TRAPPC9: variants seen among roughly 807,000 people sequenced by gnomAD.
TRAPPC9 encodes trafficking protein particle complex subunit 9.
Under a neutral mutation model 124.0 loss-of-function variants are expected in TRAPPC9, and 83 were observed. The ratio of observed to expected loss-of-function variants is 0.67; its 90% CI spans 0.56 to 0.80. TRAPPC9 has a LOEUF of 0.80. Among genes scored for constraint, TRAPPC9 ranks in the 30% least tolerant of loss-of-function variants. TRAPPC9 has a pLI of 0.00. For synonymous variants in TRAPPC9, 638 were observed against 617.5 expected (o/e 1.03, Z -0.49); for missense variants, 1,302 against 1,508.3 (o/e 0.86, Z 2.27).
chr8:140,183,463 G>C (rs571728227), intron 17 of TRAPPC9, among the ~76,000 whole-genome samples: 2 of 152,200 alleles, frequency 1.3e-5, no homozygotes, highest in Non-Finnish European at 2.9e-5. Context: ...CCTCGATTAC[G>C]TATTCCACAC....
At chr8:139,751,464 T>C (rs1012078361) in intron 21 of TRAPPC9, among the ~76,000 whole-genome samples, 1 of 152,162 alleles carries the variant, frequency 6.6e-6, no homozygotes, top group Non-Finnish European at 1.5e-5. Flanking sequence ...CACTGCCCTC[T>C]TGCTTCCAAT....
At chr8:140,393,311 T>C (rs1199804272) in intron 7 of TRAPPC9, among the ~76,000 whole-genome samples, 1 of 152,158 alleles carries the variant, frequency 6.6e-6, no homozygotes, top group Non-Finnish European at 1.5e-5. Context: ...AGTGAGGAAA[T>C]GGCAACTTCA....
intron 17 of TRAPPC9, among the ~76,000 whole-genome samples, chr8:140,206,339 C>T (rs2062916169): frequency 6.6e-6 from 1 of 152,144 alleles, no homozygotes; most frequent in African/African-American, 2.4e-5. Flanking sequence ...TTTCTGCTTG[C>T]AGTCTTACGT....
At chr8:140,036,465 T>C (rs896657275) in intron 17 of TRAPPC9, among the ~76,000 whole-genome samples, 4 of 147,394 alleles carry the variant, frequency 2.7e-5, no homozygotes, top group African/African-American at 1.1e-4. Context: ...ACGGATCTCT[T>C]CAAGATTAGA....
intron 9 of TRAPPC9, among the ~76,000 whole-genome samples, chr8:140,329,801 C>T (rs1457447030): frequency 6.6e-6 from 1 of 152,096 alleles, no homozygotes; most frequent in Admixed American, 6.5e-5. Context: ...TCAATACCGG[C>T]CAGGCATGGT....
At chr8:139,752,016 T>G (rs116491735) in intron 21 of TRAPPC9, among the ~76,000 whole-genome samples, 2 of 148,598 alleles carry the variant, frequency 1.3e-5, no homozygotes, top group Non-Finnish European at 3.0e-5. Flanking sequence ...TATCCATCCA[T>G]CCAAAATCCA....
chr8:140,290,525 G>A (rs4524768), intron 12 of TRAPPC9, among the ~76,000 whole-genome samples: 99,483 of 152,096 alleles, frequency 0.65, 33,021 homozygotes, highest in African/African-American at 0.78. Flanking sequence ...GAAATGGGAC[G>A]TCAGGATTTC....
intron 9 of TRAPPC9, among the ~76,000 whole-genome samples, chr8:140,339,263 T>C (rs1357944402): frequency 6.6e-6 from 1 of 152,260 alleles, no homozygotes; most frequent in Non-Finnish European, 1.5e-5. Context: ...GCATTTCAGA[T>C]CTCTGGCCTT....
At chr8:140,434,092 A>G (rs2070736359) in intron 4 of TRAPPC9, among the ~76,000 whole-genome samples, 1 of 152,192 alleles carries the variant, frequency 6.6e-6, no homozygotes, top group South Asian at 2.1e-4. Flanking sequence ...CACTTCATTT[A>G]CAAGAGGTGA....
chr8:140,337,146 C>T (rs1588171183), intron 9 of TRAPPC9, among the ~76,000 whole-genome samples: 1 of 152,248 alleles, frequency 6.6e-6, no homozygotes, highest in Non-Finnish European at 1.5e-5. Context: ...AACTGTAATC[C>T]CAGCTCGCAC....
intron 19 of TRAPPC9, among the ~76,000 whole-genome samples, chr8:139,917,074 G>A (rs1035328143): frequency 6.6e-6 from 1 of 151,638 alleles, no homozygotes; most frequent in African/African-American, 2.4e-5. Context: ...GAACACGGAC[G>A]TATGGATCAC....
Position 140,101,543 on chromosome 8 carries a change from T to C in TRAPPC9, c.2557-77464A>G, listed in dbSNP as rs1012845803. Among the ~76,000 whole-genome samples the C allele has an allele frequency of 3.2e-4, 43 of 135,986 alleles. 3 individuals are homozygous for C. The highest frequency in any genetic ancestry group is 9.5e-5 in the Non-Finnish European group (6 of 63,428). The allele number at this position is 135,986 out of a possible 152,430, so 89.2% of individuals were successfully genotyped here. A position where few individuals can be genotyped will look rare whatever the true frequency, so the allele number is the denominator to read the frequency against. ...TTTTGTAGGGTTTTCTTTTTTTTGT[T>C]TTTTTTTTTTTTTTTTGAGACGTAG... On this transcript the variant is annotated intron_variant, in intron 17 of 22. Coordinates refer to ENST00000438773, the MANE Select transcript of TRAPPC9 (RefSeq NM_001160372.4).
chr8:140,198,980 G>A (rs909203363), intron 17 of TRAPPC9, among the ~76,000 whole-genome samples: 6 of 152,218 alleles, frequency 3.9e-5, no homozygotes, highest in Non-Finnish European at 5.9e-5. Context: ...CAGCACAGCA[G>A]GCTGAACGCG....
intron 21 of TRAPPC9, among the ~76,000 whole-genome samples, chr8:139,735,627 A>G (rs1009090226): frequency 2.0e-5 from 3 of 151,532 alleles, no homozygotes; most frequent in African/African-American, 7.3e-5. Flanking sequence ...CAAATCAGTG[A>G]AGGGTAGTTG....
intron 21 of TRAPPC9, among the ~76,000 whole-genome samples, chr8:139,819,244 C>A (rs563109283): frequency 1.2e-4 from 18 of 152,118 alleles, no homozygotes; most frequent in Non-Finnish European, 2.4e-4. Flanking sequence ...TCCCATCATC[C>A]CCAGATGGGA....
chr8:140,400,931 AT>A (rs1297893550), intron 6 of TRAPPC9, among the ~76,000 whole-genome samples: 2 of 151,850 alleles, frequency 1.3e-5, no homozygotes, highest in East Asian at 1.9e-4. Context: ...CCTTATTTTT[AT>A]TTTTTTTCCT....
intron 5 of TRAPPC9, among the ~76,000 whole-genome samples, chr8:140,423,155 A>C (rs2070281419): frequency 6.6e-6 from 1 of 152,116 alleles, no homozygotes; most frequent in South Asian, 2.1e-4. Flanking sequence ...TTTAAAACAT[A>C]TGGGCCAGGC....
At chr8:140,138,372 C>T (rs1161180497) in intron 17 of TRAPPC9, among the ~76,000 whole-genome samples, 1 of 152,132 alleles carries the variant, frequency 6.6e-6, no homozygotes, top group Non-Finnish European at 1.5e-5. Flanking sequence ...ATGTGTTAGG[C>T]ACTGTGTGTA....
intron 17 of TRAPPC9, among the ~76,000 whole-genome samples, chr8:140,037,184 C>T (rs1046294033): frequency 1.2e-4 from 18 of 151,704 alleles, no homozygotes; most frequent in Non-Finnish European, 1.5e-4. Context: ...GGGCTCAGAC[C>T]CCATCGTCAT....
Sources: allele counts gnomAD v4.1 joint callset (sites outside exome capture counted in the v4.1 genomes callset), GRCh38; gene constraint gnomAD v4.1.1; transcripts MANE v1.5; gene names NCBI Gene and HGNC (gene_info 2026-07-23, HGNC 2026-07-21).